BCL2L13: variants seen among roughly 807,000 people sequenced by gnomAD.
The protein encoded by BCL2L13 is bcl-2-like protein 13.
In BCL2L13, 13 loss-of-function variants were observed where a neutral mutation model predicts 25.8. That is an observed-to-expected ratio of 0.50 (90% CI 0.33 to 0.80). BCL2L13 has a LOEUF of 0.80. Among genes scored for constraint, BCL2L13 ranks in the 30% least tolerant of loss-of-function variants. BCL2L13 has a pLI of 0.02. For synonymous variants in BCL2L13, 244 were observed against 230.3 expected (o/e 1.06, Z -0.54); for missense variants, 504 against 574.9 (o/e 0.88, Z 1.26).
chr22:17,642,885 C>T (rs776543828), intron 1 of BCL2L13, among the ~76,000 whole-genome samples: 12 of 152,162 alleles, frequency 7.9e-5, no homozygotes, highest in Non-Finnish European at 1.6e-4. Flanking sequence ...GCATGAACCA[C>T]CACACCTGGT....
rs191756781 is a variant in BCL2L13 at position 17,662,708 on chromosome 22, A to C, written c.121+6876A>C. 1.7e-3 allele frequency among the ~76,000 whole-genome samples: 262 copies of C among 151,920 alleles called. 3 individuals are homozygous for C. The highest frequency in any genetic ancestry group is 5.8e-3 in the African/African-American group (240 of 41,428). On this transcript the variant is annotated intron_variant, in intron 2 of 6. Coordinates refer to ENST00000317582, the MANE Select transcript of BCL2L13 (RefSeq NM_015367.4). ...GTAGTGCGCACCCATAATCCCAGCT[A>C]CTCAGGAGGCTGAGGTGGAAGGATT...
chr22:17,711,550 T>A (rs1232431455), intron 6 of BCL2L13, among the ~76,000 whole-genome samples: 1 of 152,162 alleles, frequency 6.6e-6, no homozygotes, highest in African/African-American at 2.4e-5. Context: ...TGCCTGCCTC[T>A]GCCTCCCAGA....
chr22:17,650,578 A>G (rs1257278403), intron 1 of BCL2L13, among the ~76,000 whole-genome samples: 2 of 152,150 alleles, frequency 1.3e-5, no homozygotes, highest in African/African-American at 2.4e-5. Context: ...CTTACCTTCT[A>G]TAGTCTGTAG....
intron 4 of BCL2L13, among the ~76,000 whole-genome samples, chr22:17,690,376 T>C (rs1601676344): frequency 1.3e-5 from 2 of 152,284 alleles, no homozygotes; most frequent in South Asian, 4.1e-4. Flanking sequence ...ATATATCGAT[T>C]ACCGTTTGTT....
rs999327437 is a variant in BCL2L13 at position 17,684,455 on chromosome 22, C to T, written c.229+1134C>T. ...AGCAGCCACTTCCCATTCCCACTAG[C>T]CCCAGGCCCCAACCCCACCCCACAC... On this transcript the variant is annotated intron_variant, in intron 3 of 6. Coordinates refer to ENST00000317582, the MANE Select transcript of BCL2L13 (RefSeq NM_015367.4). Among the ~76,000 whole-genome samples, 25 of 152,300 alleles carry T rather than the reference C, an allele frequency of 1.6e-4. No individual in the cohort carries two copies. In the South Asian group the frequency reaches 4.8e-3, roughly 29 times the overall value.
intron 6 of BCL2L13, among the ~76,000 whole-genome samples, chr22:17,710,939 T>C (rs567164786): frequency 6.6e-6 from 1 of 152,170 alleles, no homozygotes; most frequent in Non-Finnish European, 1.5e-5. Context: ...AACAATATAT[T>C]ACGCCAAAGT....
intron 2 of BCL2L13, 55 bp from the exon 3 acceptor site, chr22:17,683,159 A>T: frequency 4.0e-6 from 4 of 991,860 alleles, no homozygotes; most frequent in Non-Finnish European, 6.2e-6. Context: ...GTGCTATTAT[A>T]TTCTAATGGT....
At chr22:17,708,724 G>A (rs1248332614) in intron 6 of BCL2L13, among the ~76,000 whole-genome samples, 3 of 152,040 alleles carry the variant, frequency 2.0e-5, no homozygotes, top group Non-Finnish European at 2.9e-5. Context: ...TTGAGCCCTC[G>A]AAATTACTCC....
intron 1 of BCL2L13, among the ~76,000 whole-genome samples, chr22:17,639,395 G>GA (rs1398518053): frequency 9.9e-5 from 15 of 152,044 alleles, no homozygotes; most frequent in African/African-American, 3.1e-4. Flanking sequence ...TATTTTTTCA[G>GA]AAAAAAACTG....
At chr22:17,678,064 A>C (rs1284020295) in intron 2 of BCL2L13, among the ~76,000 whole-genome samples, 1 of 151,922 alleles carries the variant, frequency 6.6e-6, no homozygotes, top group Non-Finnish European at 1.5e-5. Flanking sequence ...AAATATATAG[A>C]AGTGCTGAAG....
intron 2 of BCL2L13, among the ~76,000 whole-genome samples, chr22:17,681,363 G>C (rs753972485): frequency 6.6e-6 from 1 of 151,936 alleles, no homozygotes; most frequent in Non-Finnish European, 1.5e-5. Context: ...AAAATTAGGC[G>C]GGTGTGGTGG....
At chr22:17,686,764 C>A (rs912482503) in intron 3 of BCL2L13, among the ~76,000 whole-genome samples, 4 of 152,126 alleles carry the variant, frequency 2.6e-5, no homozygotes, top group Non-Finnish European at 5.9e-5. Context: ...CCGCCTCGGC[C>A]TCCCAAAGTG....
chr22:17,682,581 A>G (rs2059787630), intron 2 of BCL2L13, among the ~76,000 whole-genome samples: 1 of 152,186 alleles, frequency 6.6e-6, no homozygotes, highest in Non-Finnish European at 1.5e-5. Flanking sequence ...CTACAAAAAG[A>G]GAGGACTGGC....
At chr22:17,690,391 G>T (rs573336861) in intron 4 of BCL2L13, among the ~76,000 whole-genome samples, 2 of 152,154 alleles carry the variant, frequency 1.3e-5, no homozygotes, top group Non-Finnish European at 2.9e-5. Context: ...TTTGTTAGAA[G>T]AAAGTAATTT....
At chr22:17,644,735 T>C (rs1271729738) in intron 1 of BCL2L13, among the ~76,000 whole-genome samples, 1 of 151,526 alleles carries the variant, frequency 6.6e-6, no homozygotes, top group East Asian at 1.9e-4. Context: ...GTTTTCGTTC[T>C]GTGAGGTTAG....
intron 2 of BCL2L13, among the ~76,000 whole-genome samples, chr22:17,657,396 A>G (rs1296692441): frequency 1.3e-5 from 2 of 152,292 alleles, no homozygotes; most frequent in East Asian, 1.9e-4. Context: ...GCTACAATCA[A>G]TTGCACATTA....
chr22:17,629,647 C>T (rs991272231), intron 1 of BCL2L13, among the ~76,000 whole-genome samples: 3 of 152,050 alleles, frequency 2.0e-5, no homozygotes, highest in African/African-American at 7.2e-5. Flanking sequence ...TCAAATGGTA[C>T]ACCCACTTTT....
Position 17,655,767 on chromosome 22 carries a change from T to A in BCL2L13, c.56T>A (p.Val19Asp). ...TTTCACTATGAAACAAAGTATGTTG[T>A]TCTCAGCTACTTGGGACTCCTCTCT... is the stretch of plus-strand genomic sequence containing the variant. ...LGFHYETKYV[V>D]LSYLGLLSQE... Residue 19 changes from valine to aspartate, a missense_variant, in exon 2 of 7, where the codon GTT (valine) becomes GAT (aspartate). Physicochemically the swap from Val to Asp is radical, Grantham distance 152. Transcript: ENST00000317582. The A allele has an allele frequency of 6.2e-7, 1 of 1,613,818 alleles. No individual in the cohort carries two copies. The highest frequency in any genetic ancestry group is 8.5e-7 in the Non-Finnish European group (1 of 1,179,848).
rs1164674038 is a variant in BCL2L13 at position 17,673,156 on chromosome 22, T to G, written c.122-10058T>G. On this transcript the variant is annotated intron_variant, in intron 2 of 6. Transcript: ENST00000317582. Reference sequence around the variant, plus strand: ...TGACAGCCTTTACAGACTATAAACCTGTAAAGTTCTATGATTCAGTCACTG... The same window carrying G: ...TGACAGCCTTTACAGACTATAAACCGGTAAAGTTCTATGATTCAGTCACTG... Among the ~76,000 whole-genome samples, 3 of 152,154 alleles carry G rather than the reference T, an allele frequency of 2.0e-5. No homozygotes were observed. In the East Asian group the frequency reaches 5.8e-4, roughly 29 times the overall value.
Sources: gnomAD v4.1 joint callset for allele counts (sites outside exome capture counted in the v4.1 genomes callset) on GRCh38, gnomAD v4.1.1 for gene constraint, MANE v1.5 for transcripts, NCBI Gene and HGNC (gene_info 2026-07-23, HGNC 2026-07-21) for gene names.